The following ABCB4 variants were observed in gnomAD, a reference collection of about 807,000 sequenced individuals.
ABCB4 encodes ATP binding cassette subfamily B member 4.
ABCB4 carries 76 observed loss-of-function variants against 145.7 expected under a neutral mutation model. The ratio of observed to expected loss-of-function variants is 0.52; its 90% CI spans 0.43 to 0.63. ABCB4 has a LOEUF of 0.63. Ranked by LOEUF, ABCB4 falls within the 30% of genes least tolerant of loss-of-function variation. ABCB4 has a pLI of 0.00. For synonymous variants in ABCB4, 517 were observed against 566.8 expected, an observed-to-expected ratio of 0.91 and a Z score of 1.25; for missense variants, 1,234 against 1,553.1, an observed-to-expected ratio of 0.79 and a Z score of 3.45.
chr7:87,391,863 C>A, the ABCB4 span: 3 of 779,052 alleles, frequency 3.9e-6, no homozygotes, highest in Non-Finnish European at 4.0e-6. Flanking sequence ...AGCATTTGTT[C>A]ATTCACCAGT....
At chr7:87,431,006 C>T (rs778474921) in intron 15 of ABCB4, among the ~76,000 whole-genome samples, 2 of 152,188 alleles carry the variant, frequency 1.3e-5, no homozygotes, top group Non-Finnish European at 2.9e-5. Context: ...GGTCACTTGT[C>T]AATGACTTCC....
chr7:87,403,188 G>A lies in ABCB4; in HGVS notation c.3580C>T (p.Gln1194Ter), dbSNP rs1807929709. The A allele has an allele frequency of 3.1e-6, 5 of 1,613,934 alleles. No individual in the cohort carries two copies. The highest frequency in any genetic ancestry group is 1.3e-5 in the African/African-American group (1 of 74,902). The change falls in exon 27 of 28, where the codon CAA (glutamine) becomes TAA (stop). Residue 1194 changes from glutamine (Q) to a stop codon, truncating the protein, a stop_gained. Transcript: ENST00000649586. LOFTEE classifies it high-confidence loss of function. ...AIARALIRQPQILLLDEATSA... is the reference protein window; with the variant it reads ...AIARALIRQP The stretch of plus-strand genomic sequence containing the variant: ...GTAGCTTCATCCAACAGGAGGATTT[G>A]AGGTTGTCTGATGAGGGCTCGGGCA...
chr7:87,373,464 C>T, the ABCB4 span, among the ~76,000 whole-genome samples: 1 of 151,588 alleles, frequency 6.6e-6, no homozygotes, highest in Non-Finnish European at 1.5e-5. Flanking sequence ...GTTACATGTG[C>T]TTTTGGAATT....
At chr7:87,447,309 G>A in intron 8 of ABCB4, 104 bp from the exon 9 acceptor site, 1 of 1,167,740 alleles carries the variant, frequency 8.6e-7, no homozygotes, top group Non-Finnish European at 1.2e-6. Context: ...AACAAAGTCA[G>A]TCAAGGTAAT....
chr7:87,383,761 T>C, the ABCB4 span, among the ~76,000 whole-genome samples: 2 of 152,146 alleles, frequency 1.3e-5, no homozygotes, highest in Non-Finnish European at 2.9e-5. Flanking sequence ...CCTCCCAAAG[T>C]GCTGGGATTA....
chr7:87,404,633 G>A (rs1002364582), intron 26 of ABCB4, among the ~76,000 whole-genome samples: 2 of 151,958 alleles, frequency 1.3e-5, no homozygotes, highest in Non-Finnish European at 2.9e-5. Context: ...ATTACAATAT[G>A]TTAAACAAAC....
chr7:87,445,879 G>A (rs1811312073), intron 9 of ABCB4, among the ~76,000 whole-genome samples: 1 of 152,132 alleles, frequency 6.6e-6, no homozygotes, highest in Admixed American at 6.5e-5. Flanking sequence ...GCTCCCTCTG[G>A]GGATAGCAAT....
chr7:87,424,737 CT>C (rs1809692064), intron 16 of ABCB4, among the ~76,000 whole-genome samples: 2 of 152,020 alleles, frequency 1.3e-5, no homozygotes, highest in African/African-American at 4.8e-5. Flanking sequence ...TAGTATGTAA[CT>C]TTTTTTAAGG....
rs961638587 is a variant in ABCB4, at chr7:87,447,290, G to A, written c.834-85C>T. The A allele has an allele frequency of 4.4e-5, 60 of 1,351,642 alleles. 2 individuals carry two copies. In the South Asian group the frequency reaches 7.3e-4, roughly 16 times the overall value. 83.7% of individuals were successfully genotyped at this position (1,351,642 alleles called of 1,614,324 possible). A position where few individuals can be genotyped will look rare whatever the true frequency, so the allele number is the denominator to read the frequency against. ...CACACTCGGCTCCTATATAGTTGGA[G>A]GTTTAAGTAACAAAGTCAGTCAAGG... On this transcript the variant is annotated intron_variant, in intron 8 of 27. Transcript: ENST00000649586.
At position 87,450,042 on chromosome 7, in the gene ABCB4, G is replaced by A. The variant is rs1490366382; in HGVS notation, c.759C>T (p.Gly253=). The A allele has an allele frequency of 6.8e-6, 11 of 1,613,984 alleles. No homozygotes were observed. The highest frequency in any genetic ancestry group is 4.5e-5 in the East Asian group (2 of 44,890). ...CCCCCAGAGCCTCTTCTGCCACGGC[G>A]CCTGCTTTTGCATAAGCAGCTAGTT... The part of the protein sequence containing the change: ...DKELAAYAKA[G]AVAEEALGAI... Residue 253 remains glycine (G), a synonymous_variant, in exon 8 of 28, where the codon GGC becomes GGT. Transcript: ENST00000649586.
chr7:87,391,684 G>A, the ABCB4 span: 10 of 1,610,540 alleles, frequency 6.2e-6, no homozygotes, highest in Non-Finnish European at 8.5e-6. Flanking sequence ...GTGAGGTGGT[G>A]CCAGTCCATG....
At chr7:87,439,959 T>A in intron 13 of ABCB4, 122 bp from the exon 14 acceptor site, 1 of 1,363,466 alleles carries the variant, frequency 7.3e-7, no homozygotes. Flanking sequence ...TATCATAAAG[T>A]ATGATAAGAT....
rs1437526916 is a variant in ABCB4 at position 87,475,364 on chromosome 7, C to G, written c.80+22G>C. The G allele has an allele frequency of 3.1e-6, 5 of 1,613,918 alleles. No individual in the cohort carries two copies. In the South Asian group the frequency reaches 5.5e-5, roughly 18 times the overall value. On this transcript the variant is annotated intron_variant, in intron 2 of 27. Coordinates refer to ENST00000649586, the MANE Select transcript of ABCB4 (RefSeq NM_000443.4). ...TGCTGATTGGCGTGTAACGGAAAAG[C>G]CAGTGGCTGCTGGGGATGTACCTGC...
intron 25 of ABCB4, 47 bp downstream of exon 25, chr7:87,407,990 C>T (rs901920014): frequency 8.7e-6 from 14 of 1,607,222 alleles, no homozygotes; most frequent in Non-Finnish European, 1.2e-5. Context: ...ATTGGTTGGG[C>T]CAATTAAAAT....
chr7:87,443,168 G>T, intron 12 of ABCB4, 151 bp downstream of exon 12: 2 of 951,810 alleles, frequency 2.1e-6, no homozygotes, highest in Admixed American at 1.7e-5. Context: ...ACCAGCCCAA[G>T]GGTGTGAAGG....
At chr7:87,456,568 G>GC (rs779785565) in intron 4 of ABCB4, among the ~76,000 whole-genome samples, 19 of 152,162 alleles carry the variant, frequency 1.2e-4, no homozygotes, top group Non-Finnish European at 2.4e-4. Flanking sequence ...TTTGCCAGAA[G>GC]CCCCAAACAG....
Position 87,472,685 on chromosome 7 carries a change from A to C in ABCB4, c.81-10T>G. 1 of 1,572,242 alleles carries C rather than the reference A, an allele frequency of 6.4e-7. No individual in the cohort carries two copies. The highest frequency in any genetic ancestry group is 8.8e-7 in the Non-Finnish European group (1 of 1,142,406). On this transcript the variant is annotated splice_polypyrimidine_tract_variant and intron_variant, in intron 2 of 27. Coordinates refer to ENST00000649586, the MANE Select transcript of ABCB4 (RefSeq NM_000443.4). ...TTTCCTTTTTTGTTTGCTGTAAAAA[A>C]TAGAATTGCTTCAATTTAAAACTGT...
At chr7:87,474,185 G>A (rs1813629834) in intron 2 of ABCB4, among the ~76,000 whole-genome samples, 1 of 152,278 alleles carries the variant, frequency 6.6e-6, no homozygotes, top group Non-Finnish European at 1.5e-5. Flanking sequence ...CTTTGCACAC[G>A]CATCAAATGT....
chr7:87,446,724 A>G (rs1811367169), intron 9 of ABCB4, among the ~76,000 whole-genome samples: 1 of 152,234 alleles, frequency 6.6e-6, no homozygotes, highest in African/African-American at 2.4e-5. Context: ...ATAAAACTCA[A>G]CGGCAGAGGG....
Sources: gnomAD v4.1 joint callset for allele counts (sites outside exome capture counted in the v4.1 genomes callset) on GRCh38, gnomAD v4.1.1 for gene constraint, MANE v1.5 for transcripts, NCBI Gene and HGNC (gene_info 2026-07-23, HGNC 2026-07-21) for gene names.